MYEF2: variants seen among roughly 807,000 people sequenced by gnomAD.
MYEF2 encodes the protein myelin expression factor 2.
Under a neutral mutation model 75.2 loss-of-function variants are expected in MYEF2, and 37 were observed. That is an observed-to-expected ratio of 0.49 (90% confidence interval 0.38 to 0.65). MYEF2 has a LOEUF of 0.65. MYEF2 is among the 30% of genes least tolerant of loss of function. MYEF2 has a pLI of 0.00. For missense variants in MYEF2, 634 were observed against 771.4 expected (o/e 0.82, Z 2.11); for synonymous variants, 195 against 241.6 (o/e 0.81, Z 1.79).
At position 48,166,119 on chromosome 15, in the gene MYEF2, AC is replaced by A; in HGVS notation, c.431+1del. 1 of 1,579,176 alleles carries A rather than the reference AC, an allele frequency of 6.3e-7. No individual in the cohort carries two copies. The highest frequency in any genetic ancestry group is 8.6e-7 in the Non-Finnish European group (1 of 1,157,310). ...AAGATACTTAAAGAAAAAATTTCTTACCCACAACCCTATATCCAGGTAGATT... is the reference window on the plus strand; with the variant it reads ...AAGATACTTAAAGAAAAAATTTCTTACCACAACCCTATATCCAGGTAGATT... On this transcript the variant is annotated splice_donor_variant, in intron 4 of 16. Coordinates refer to ENST00000324324, the MANE Select transcript of MYEF2 (RefSeq NM_016132.5). LOFTEE classifies it high-confidence loss of function.
intron 1 of MYEF2, among the ~76,000 whole-genome samples, chr15:48,173,432 G>A (rs886327122): frequency 3.9e-5 from 6 of 152,094 alleles, no homozygotes; most frequent in African/African-American, 1.4e-4. Flanking sequence ...CTAAGAGCAG[G>A]AAAAAGAGAA....
intron 1 of MYEF2, among the ~76,000 whole-genome samples, chr15:48,174,313 A>C (rs1185063813): frequency 6.6e-6 from 1 of 152,090 alleles, no homozygotes; most frequent in East Asian, 1.9e-4. Flanking sequence ...ATGGATTAAA[A>C]ACTTATAACA....
chr15:48,160,003 T>C (rs974730459), intron 5 of MYEF2, among the ~76,000 whole-genome samples, 199 bp from the exon 6 acceptor site: 13 of 152,210 alleles, frequency 8.5e-5, no homozygotes, highest in African/African-American at 2.6e-4. Flanking sequence ...CCTCCAGAGA[T>C]GTCAGTTAAT....
chr15:48,165,372 G>A (rs985796713), intron 5 of MYEF2, among the ~76,000 whole-genome samples: 2 of 151,910 alleles, frequency 1.3e-5, no homozygotes, highest in African/African-American at 4.8e-5. Context: ...GTCATTTTTT[G>A]TCAACCTGTT....
chr15:48,154,744 T>C (rs186937212), intron 9 of MYEF2, among the ~76,000 whole-genome samples: 9 of 152,178 alleles, frequency 5.9e-5, no homozygotes, highest in African/African-American at 1.9e-4. Flanking sequence ...TTCTAACATA[T>C]ATGCTTCAGG....
rs140996409 is a variant in MYEF2 at position 48,159,698 on chromosome 15, G to A, written c.632C>T (p.Ser211Phe). ...AGGAATGTTTGGATTATTGAGTATGGAAGGTGGTAAATTCATCAACCCTGA... is the reference window on the plus strand; with the variant it reads ...AGGAATGTTTGGATTATTGAGTATGAAAGGTGGTAAATTCATCAACCCTGA... ...MGSGLMNLPP[S>F]ILNNPNIPPE... Residue 211 changes from serine to phenylalanine, a missense_variant, in exon 6 of 17, where the codon TCC (serine) becomes TTC (phenylalanine). Transcript: ENST00000324324. The A allele has an allele frequency of 2.5e-6, 4 of 1,613,660 alleles. No homozygotes were observed. Among genetic ancestry groups the A allele is most frequent in the Non-Finnish European group, 3.4e-6 (4 of 1,179,728 alleles).
At chr15:48,162,291 G>A (rs1316722464) in intron 5 of MYEF2, among the ~76,000 whole-genome samples, 1 of 152,060 alleles carries the variant, frequency 6.6e-6, no homozygotes, top group African/African-American at 2.4e-5. Context: ...TGAGCACTGT[G>A]CTTAGTGCTT....
chr15:48,172,990 T>A (rs1216115134), intron 1 of MYEF2, among the ~76,000 whole-genome samples: 1 of 152,160 alleles, frequency 6.6e-6, no homozygotes, highest in Non-Finnish European at 1.5e-5. Context: ...GTCTTTCAAA[T>A]CATTTTATAA....
Position 48,149,530 on chromosome 15 carries a change from C to G in MYEF2, c.1379-159G>C. ...TTTATATAATTAAATAATATAAAAA[C>G]ATAAAATTATTTTCATACAGATAAC... On this transcript the variant is annotated intron_variant, in intron 14 of 16. Coordinates refer to ENST00000324324, the MANE Select transcript of MYEF2 (RefSeq NM_016132.5). The surrounding 1 kb of genome is among the most constrained non-coding windows in gnomAD (Gnocchi z 4.0). 4 of 470,132 alleles carry G rather than the reference C, an allele frequency of 8.5e-6. No individual in the cohort carries two copies. The highest frequency in any genetic ancestry group is 1.4e-5 in the Non-Finnish European group (4 of 278,726). 29.1% of individuals were successfully genotyped at this position (470,132 alleles called of 1,614,324 possible).
At chr15:48,152,129 G>C (rs889268476) in intron 11 of MYEF2, 105 bp downstream of exon 11, 2 of 1,265,122 alleles carry the variant, frequency 1.6e-6, no homozygotes, top group African/African-American at 3.0e-5. Flanking sequence ...TAGAACATGA[G>C]CCAACAATAA....
chr15:48,174,058 A>T (rs1349235118), intron 1 of MYEF2, among the ~76,000 whole-genome samples: 3 of 152,092 alleles, frequency 2.0e-5, no homozygotes, highest in Non-Finnish European at 4.4e-5. Flanking sequence ...AGAAGAAAAA[A>T]CTAAAAGTAC....
At chr15:48,155,950 G>C (rs1233627956) in intron 9 of MYEF2, among the ~76,000 whole-genome samples, 2 of 151,492 alleles carry the variant, frequency 1.3e-5, no homozygotes, top group African/African-American at 2.4e-5. Flanking sequence ...ACTTTTTTTT[G>C]TATTTTTAGT....
At chr15:48,161,327 A>G (rs1284197260) in intron 5 of MYEF2, among the ~76,000 whole-genome samples, 3 of 152,102 alleles carry the variant, frequency 2.0e-5, no homozygotes, top group Non-Finnish European at 4.4e-5. Flanking sequence ...GCATTTAATT[A>G]AATGAAAAAA....
chr15:48,158,104 A>T (rs1189584148), intron 8 of MYEF2, 48 bp from the exon 9 acceptor site: 3 of 1,611,020 alleles, frequency 1.9e-6, no homozygotes, highest in Non-Finnish European at 2.5e-6. Context: ...ACCACAAAGA[A>T]CTGTAATGTA....
Position 48,137,028 on chromosome 15 carries a change from C to A in MYEF2, c.*5880G>T. ...AAGGAAAAACTTTAAAATTTCATTTCAATTCAGCAAGTATTGTGTGCTTTT... is the reference window on the plus strand; with the variant it reads ...AAGGAAAAACTTTAAAATTTCATTTAAATTCAGCAAGTATTGTGTGCTTTT... On this transcript the variant is annotated 3_prime_UTR_variant, in exon 17 of 17. Transcript: ENST00000324324. 1 of 1,483,626 alleles carries A rather than the reference C, an allele frequency of 6.7e-7. No individual in the cohort carries two copies. The highest frequency in any genetic ancestry group is 1.3e-5 in the South Asian group (1 of 74,110). The allele number at this position is 1,483,626 out of a possible 1,614,324, so 91.9% of individuals were successfully genotyped here.
intron 1 of MYEF2, among the ~76,000 whole-genome samples, chr15:48,174,002 C>T (rs983110822): frequency 4.0e-5 from 6 of 151,840 alleles, no homozygotes; most frequent in Admixed American, 6.6e-5. Context: ...TCCTGAAATC[C>T]GTATGAACCA....
Position 48,153,821 on chromosome 15 carries a change from C to T in MYEF2, c.1058G>A (p.Gly353Asp). Residue 353 changes from glycine to aspartate, a missense_variant, in exon 10 of 17, where the codon GGT (glycine) becomes GAT (aspartate). Transcript: ENST00000324324. ...QPISASQLNI[G>D]GVMGNLGPGG... ...TGGACCTAAATTTCCCATTACTCCA[C>T]CTATGTTCAACTGGCTGGCACTAAT... 1 of 1,613,412 alleles carries T rather than the reference C, an allele frequency of 6.2e-7. No individual in the cohort carries two copies. Among genetic ancestry groups the T allele is most frequent in the Non-Finnish European group, 8.5e-7 (1 of 1,179,574 alleles).
At chr15:48,168,956 G>C in intron 1 of MYEF2, 117 bp from the exon 2 acceptor site, 3 of 732,064 alleles carry the variant, frequency 4.1e-6, no homozygotes, top group East Asian at 5.4e-5. Context: ...CACTAAGCTA[G>C]ACCTCAGCAA....
At position 48,142,648 on chromosome 15, in the gene MYEF2, C is replaced by G. The variant is rs944744094; in HGVS notation, c.*260G>C. Reference sequence around the variant, plus strand: ...TCCAACTATGTAGTACTGAAAACAACAAGAAAATGGCTTATTTCATTAAAA... The same window carrying G: ...TCCAACTATGTAGTACTGAAAACAAGAAGAAAATGGCTTATTTCATTAAAA... On this transcript the variant is annotated 3_prime_UTR_variant, in exon 17 of 17. Transcript: ENST00000324324. The G allele has an allele frequency of 1.6e-5, 7 of 447,758 alleles. No homozygotes were observed. Among genetic ancestry groups the G allele is most frequent in the African/African-American group, 2.0e-5 (1 of 48,878 alleles). 27.7% of individuals were successfully genotyped at this position (447,758 alleles called of 1,614,324 possible).
Sources: allele counts gnomAD v4.1 joint callset (sites outside exome capture counted in the v4.1 genomes callset), GRCh38; gene constraint gnomAD v4.1.1; non-coding constraint Gnocchi (gnomAD v3.1); transcripts MANE v1.5; gene names NCBI Gene and HGNC (gene_info 2026-07-23, HGNC 2026-07-21).